MID2: variants seen among roughly 807,000 people sequenced by gnomAD.
The protein encoded by MID2 is probable E3 ubiquitin-protein ligase MID2.
MID2 carries 13 observed loss-of-function variants against 46.1 expected under a neutral mutation model. That is an observed-to-expected ratio of 0.28 (90% CI 0.18 to 0.45). The LOEUF is 0.45. Among genes scored for constraint, MID2 ranks in the 20% least tolerant of loss-of-function variants. The pLI, the probability that MID2 is intolerant of heterozygous loss-of-function variation, is 1.00. For missense variants in MID2, 431 were observed against 575.4 expected (o/e 0.75, Z 2.57); for synonymous variants, 199 against 212.3 (o/e 0.94, Z 0.55).
chrX:107,889,176 G>A (rs1183245184), intron 3 of MID2, among the ~76,000 whole-genome samples: 60 of 111,331 alleles, frequency 5.4e-4, no homozygotes, highest in African/African-American at 1.5e-3. Flanking sequence ...ATGTTAGCTG[G>A]TTATTTTGCT....
chrX:107,850,218 C>T (rs1437177037), intron 2 of MID2, among the ~76,000 whole-genome samples: 2 of 107,278 alleles, frequency 1.9e-5, no homozygotes, highest in Non-Finnish European at 3.8e-5. Flanking sequence ...ACACACACAC[C>T]CTCTTTGTTT....
chrX:107,865,216 A>G (rs1434454207), intron 3 of MID2, among the ~76,000 whole-genome samples: 1 of 112,180 alleles, frequency 8.9e-6, no homozygotes, highest in East Asian at 2.8e-4. Flanking sequence ...GTCGCTGATT[A>G]TTGTGCTTAT....
chrX:107,924,330 C>T lies in MID2; in HGVS notation c.1436-13C>T. On this transcript the variant is annotated splice_polypyrimidine_tract_variant and intron_variant, in intron 7 of 9. Transcript: ENST00000262843. The stretch of plus-strand genomic sequence containing the variant: ...CCTGCTGGTTAATGTCCTTGTCTTT[C>T]CCCATGTTACAGGCCTGTATAATTC... 1 of 1,196,491 alleles carries T rather than the reference C, an allele frequency of 8.4e-7. No individual in the cohort carries two copies.
intron 1 of MID2, among the ~76,000 whole-genome samples, chrX:107,829,531 A>C (rs1343011214): frequency 8.9e-6 from 1 of 112,477 alleles, no homozygotes; most frequent in Non-Finnish European, 1.9e-5. Flanking sequence ...AAGTGTCATA[A>C]ATAATTTGGG....
At chrX:107,830,616 T>A (rs1280097656) in intron 1 of MID2, among the ~76,000 whole-genome samples, 1 of 112,117 alleles carries the variant, frequency 8.9e-6, no homozygotes, top group Non-Finnish European at 1.9e-5. Flanking sequence ...GGTACCAAGA[T>A]GGTGTTGCAC....
At chrX:107,894,828 A>AGTGTGTGTGTGTGTGTGTGTGT (rs1160011458) in intron 3 of MID2, 1 of 81,010 alleles carries the variant, frequency 1.2e-5, no homozygotes, top group East Asian at 4.1e-4. Context: ...GAGTGGGGTG[A>AGTGTGTGTGTGTGTGTGTGTGT]GTGTGTGTGT....
At chrX:107,871,297 C>T (rs1055949362) in intron 3 of MID2, among the ~76,000 whole-genome samples, 1 of 111,753 alleles carries the variant, frequency 8.9e-6, no homozygotes, top group Admixed American at 9.5e-5. Context: ...CAGGGGCAGA[C>T]TCCACTTGCT....
chrX:107,911,732 T>C (rs1932898194), intron 5 of MID2, among the ~76,000 whole-genome samples: 1 of 111,710 alleles, frequency 9.0e-6, no homozygotes, highest in Non-Finnish European at 1.9e-5. Flanking sequence ...ATTTATGGGT[T>C]GGTGAACTTT....
intron 2 of MID2, among the ~76,000 whole-genome samples, chrX:107,844,023 G>GT (rs1235115196): frequency 9.0e-6 from 1 of 111,226 alleles, no homozygotes; most frequent in Non-Finnish European, 1.9e-5. Context: ...TTTTTAGCCA[G>GT]TATCTGATAA....
Position 107,868,402 on chromosome X carries a change from T to A in MID2, c.816+13698T>A, listed in dbSNP as rs756632365. On this transcript the variant is annotated intron_variant, in intron 3 of 9. Coordinates refer to ENST00000262843, the MANE Select transcript of MID2 (RefSeq NM_012216.4). ...TGAAAGACTTAAATATCTTGAAATG[T>A]CAATGGGAAGGAGTGGAACCAGAAG... Among the ~76,000 whole-genome samples, 3 of 111,466 alleles carry A rather than the reference T, an allele frequency of 2.7e-5. No homozygotes were observed. The South Asian group carries it at 1.1e-3, about 43-fold the overall frequency.
At chrX:107,832,571 G>A (rs1302199712) in intron 1 of MID2, among the ~76,000 whole-genome samples, 1 of 111,540 alleles carries the variant, frequency 9.0e-6, no homozygotes, top group Non-Finnish European at 1.9e-5. Flanking sequence ...TTTTTCATCT[G>A]ATAGATGAAA....
At chrX:107,848,795 C>T (rs1182953435) in intron 2 of MID2, among the ~76,000 whole-genome samples, 1 of 111,607 alleles carries the variant, frequency 9.0e-6, no homozygotes, top group Non-Finnish European at 1.9e-5. Context: ...CATAAAGTGA[C>T]AGACTGAAGC....
chrX:107,827,830 G>A (rs925519605), intron 1 of MID2, among the ~76,000 whole-genome samples: 1 of 105,001 alleles, frequency 9.5e-6, no homozygotes, highest in Non-Finnish European at 1.9e-5. Flanking sequence ...ATATATTCTT[G>A]CCCAATCAAT....
At chrX:107,876,184 A>G (rs1279454344) in intron 3 of MID2, among the ~76,000 whole-genome samples, 1 of 110,320 alleles carries the variant, frequency 9.1e-6, no homozygotes, top group Non-Finnish European at 1.9e-5. Context: ...GGTGGCCATT[A>G]AACCCTCTGC....
At chrX:107,841,516 C>G in intron 2 of MID2, 131 bp downstream of exon 2, 1 of 463,636 alleles carries the variant, frequency 2.2e-6, no homozygotes, top group Admixed American at 4.2e-5. Context: ...TGAGGAATAA[C>G]CTGCTCTCCT....
At chrX:107,911,015 G>A (rs1932890000) in intron 5 of MID2, among the ~76,000 whole-genome samples, 2 of 104,023 alleles carry the variant, frequency 1.9e-5, no homozygotes, top group Admixed American at 1.1e-4. Context: ...CATTACGCCC[G>A]GCTAATTTTG....
chrX:107,873,352 G>A (rs902862855), intron 3 of MID2, among the ~76,000 whole-genome samples: 2 of 111,881 alleles, frequency 1.8e-5, no homozygotes, highest in African/African-American at 3.2e-5. Flanking sequence ...AGAAGCTGTC[G>A]ATTAAGGGGA....
intron 1 of MID2, among the ~76,000 whole-genome samples, chrX:107,829,159 C>T (rs763331823): frequency 2.0e-4 from 23 of 112,310 alleles, no homozygotes; most frequent in Admixed American, 8.4e-4. Context: ...CAGGTGTGAG[C>T]CACCACACCC....
chrX:107,832,638 G>C (rs915009318), intron 1 of MID2, among the ~76,000 whole-genome samples: 12 of 111,488 alleles, frequency 1.1e-4, no homozygotes, highest in Non-Finnish European at 1.5e-4. Context: ...ATTTGGTTTA[G>C]ATCCAGGACT....
Sources: allele counts gnomAD v4.1 joint callset (sites outside exome capture counted in the v4.1 genomes callset), GRCh38; gene constraint gnomAD v4.1.1; transcripts MANE v1.5; gene names NCBI Gene and HGNC (gene_info 2026-07-23, HGNC 2026-07-21).